The following KAZN variants were observed in gnomAD, a reference collection of about 807,000 sequenced individuals.
KAZN encodes the protein kazrin, periplakin interacting protein, also known as kazrin.
A neutral mutation model predicts 87.4 loss-of-function variants in KAZN; 40 were observed. That is an observed-to-expected ratio of 0.46 (90% CI 0.36 to 0.60). The LOEUF is 0.60. KAZN is among the 20% of genes least tolerant of loss of function. The pLI is 0.00. For missense variants in KAZN, 898 were observed against 1,073.9 expected (o/e 0.84, Z 2.29); for synonymous variants, 466 against 458.3 (o/e 1.02, Z -0.22).
chr1:14,746,474 G>C (rs1269945883), intron 1 of KAZN, among the ~76,000 whole-genome samples: 1 of 152,154 alleles, frequency 6.6e-6, no homozygotes, highest in Middle Eastern at 3.2e-3. Context: ...CCGAGAAACA[G>C]ACAACATGGC....
chr1:14,280,657 C>T (rs563426802), intron 2 of KAZN, among the ~76,000 whole-genome samples: 9 of 152,224 alleles, frequency 5.9e-5, no homozygotes, highest in South Asian at 4.2e-4. Flanking sequence ...CTTCTAGCCT[C>T]CAGAATGGTG....
At chr1:14,444,811 T>G (rs897681057) in intron 2 of KAZN, among the ~76,000 whole-genome samples, 1 of 152,160 alleles carries the variant, frequency 6.6e-6, no homozygotes, top group African/African-American at 2.4e-5. Context: ...AACATTTATA[T>G]ATCTAATCAC....
chr1:13,999,392 A>C (rs946355925), intron 1 of KAZN, among the ~76,000 whole-genome samples: 1 of 152,200 alleles, frequency 6.6e-6, no homozygotes, highest in Middle Eastern at 3.4e-3. Flanking sequence ...CAAACAAAAA[A>C]AACCACAACT....
intron 2 of KAZN, among the ~76,000 whole-genome samples, chr1:14,217,381 A>C (rs550342674): frequency 1.1e-4 from 17 of 152,268 alleles, no homozygotes; most frequent in African/African-American, 3.1e-4. Flanking sequence ...TCCCCCTTCA[A>C]ATAAAAACTA....
intron 2 of KAZN, among the ~76,000 whole-genome samples, chr1:14,485,267 A>C (rs1016557583): frequency 3.3e-5 from 5 of 152,206 alleles, no homozygotes; most frequent in Admixed American, 6.5e-5. Flanking sequence ...AAATTCTCAC[A>C]TTCCACTCTT....
intron 8 of KAZN, among the ~76,000 whole-genome samples, chr1:15,076,667 C>G (rs1213268059): frequency 6.6e-6 from 1 of 152,226 alleles, no homozygotes; most frequent in Admixed American, 6.5e-5. Flanking sequence ...CTGAGCTCCA[C>G]TTTTCTCATC....
chr1:14,517,799 A>G (rs907027296), intron 2 of KAZN, among the ~76,000 whole-genome samples: 10 of 152,232 alleles, frequency 6.6e-5, no homozygotes, highest in Non-Finnish European at 1.5e-4. Context: ...GAGGAACATC[A>G]TCCAGTTATT....
At chr1:14,556,888 G>A (rs1196238934) in intron 2 of KAZN, among the ~76,000 whole-genome samples, 1 of 152,188 alleles carries the variant, frequency 6.6e-6, no homozygotes, top group Non-Finnish European at 1.5e-5. Context: ...CCCTTGCATG[G>A]CTGATCTGGC....
rs140973981 is a variant in KAZN, at chr1:15,002,543, G to A, written c.419-32206G>A. ...CCAGTGACTCTCTGAATGACCTTGG[G>A]TGGGTCACTTAGTTTCCCGGAACCT... is the stretch of plus-strand genomic sequence containing the variant. On this transcript the variant is annotated intron_variant, in intron 2 of 14. Coordinates refer to ENST00000376030, the MANE Select transcript of KAZN (RefSeq NM_201628.3). Among the ~76,000 whole-genome samples, 687 of 152,298 alleles carry A rather than the reference G, an allele frequency of 4.5e-3. 5 individuals are homozygous for A. The highest frequency in any genetic ancestry group is 0.017 in the Middle Eastern group (5 of 294).
chr1:14,799,450 G>A (rs916961564), intron 1 of KAZN, among the ~76,000 whole-genome samples: 1 of 152,204 alleles, frequency 6.6e-6, no homozygotes, highest in Non-Finnish European at 1.5e-5. Flanking sequence ...ATTCAAAAAG[G>A]AGGAACACTT....
intron 2 of KAZN, among the ~76,000 whole-genome samples, chr1:14,252,979 A>T (rs1158512837): frequency 6.6e-6 from 1 of 152,188 alleles, no homozygotes; most frequent in Non-Finnish European, 1.5e-5. Context: ...AAATTCTGCA[A>T]GAGGTTTCAC....
chr1:14,994,203 G>A (rs976508311), intron 2 of KAZN, among the ~76,000 whole-genome samples: 3 of 152,254 alleles, frequency 2.0e-5, no homozygotes, highest in Non-Finnish European at 2.9e-5. Flanking sequence ...GGAAAGATTG[G>A]CTGCAGGCCG....
chr1:14,737,165 TCAA>T (rs1643933263), intron 1 of KAZN, among the ~76,000 whole-genome samples: 1 of 151,942 alleles, frequency 6.6e-6, no homozygotes. Context: ...GTGAAGGAGA[TCAA>T]CGAGAGCAGT....
At chr1:14,511,413 AAAAG>A (rs747900341) in intron 2 of KAZN, among the ~76,000 whole-genome samples, 2 of 152,172 alleles carry the variant, frequency 1.3e-5, no homozygotes, top group Non-Finnish European at 2.9e-5. Context: ...AGAAACTAGT[AAAAG>A]AGAGTTTGGG....
chr1:14,296,709 T>C (rs1296932931), intron 2 of KAZN, among the ~76,000 whole-genome samples: 2 of 149,570 alleles, frequency 1.3e-5, no homozygotes, highest in Non-Finnish European at 3.0e-5. Context: ...GATCGCAGCT[T>C]ACTGCAACCT....
intron 13 of KAZN, among the ~76,000 whole-genome samples, chr1:15,104,841 C>T (rs1346718318): frequency 1.3e-5 from 2 of 152,188 alleles, no homozygotes; most frequent in African/African-American, 4.8e-5. Context: ...GTAGCACTAT[C>T]CCTCCTTTAT....
chr1:14,196,677 A>G lies in KAZN; in HGVS notation c.249+16085A>G, dbSNP rs145766319. 2.9e-3 allele frequency among the ~76,000 whole-genome samples: 448 copies of G among 152,184 alleles called. 1 individual carries two copies. The highest frequency in any genetic ancestry group is 5.1e-3 in the Non-Finnish European group (344 of 67,998). ...ATGTTTAAGATGCTGGGAGACCTCC[A>G]AGTAGAGCTATTCAGTGAGAAGCCT... On this transcript the variant is annotated intron_variant, in intron 2 of 16. Coordinates refer to the KAZN transcript ENST00000636203.
chr1:14,400,640 A>G (rs1663320653), intron 2 of KAZN, among the ~76,000 whole-genome samples: 1 of 152,212 alleles, frequency 6.6e-6, no homozygotes, highest in Non-Finnish European at 1.5e-5. Flanking sequence ...CTTTAGAGTA[A>G]TAAGCCTCTG....
intron 1 of KAZN, among the ~76,000 whole-genome samples, chr1:14,711,393 G>T (rs1183713429): frequency 6.6e-6 from 1 of 151,966 alleles, no homozygotes; most frequent in Admixed American, 6.6e-5. Context: ...GGCCACATTT[G>T]GTTTGGGGAT....
Sources: gnomAD v4.1 joint callset for allele counts (sites outside exome capture counted in the v4.1 genomes callset) on GRCh38, gnomAD v4.1.1 for gene constraint, MANE v1.5 for transcripts, NCBI Gene and HGNC (gene_info 2026-07-23, HGNC 2026-07-21) for gene names.